The following PCGF6 variants were observed in gnomAD, a reference collection of about 807,000 sequenced individuals.
PCGF6 encodes the protein polycomb group RING finger protein 6.
Under a neutral mutation model 45.5 loss-of-function variants are expected in PCGF6, and 24 were observed. That is an observed-to-expected ratio of 0.53 (90% CI 0.38 to 0.74). The LOEUF (loss-of-function observed/expected upper bound fraction) is 0.74. Among genes scored for constraint, PCGF6 ranks in the 30% least tolerant of loss-of-function variants. The pLI is 0.00. For synonymous variants in PCGF6, 152 were observed against 162.1 expected, an observed-to-expected ratio of 0.94 and a Z score of 0.47; for missense variants, 356 against 443.2, an observed-to-expected ratio of 0.80 and a Z score of 1.77.
At chr10:103,344,197 CA>C (rs1343253142) in intron 6 of PCGF6, among the ~76,000 whole-genome samples, 4 of 150,150 alleles carry the variant, frequency 2.7e-5, no homozygotes, top group African/African-American at 9.8e-5. Context: ...TTGGCAAAAA[CA>C]ATGCTACATA....
intron 9 of PCGF6, among the ~76,000 whole-genome samples, chr10:103,313,617 G>GAA (rs59567810): frequency 2.0e-5 from 3 of 148,004 alleles, no homozygotes; most frequent in African/African-American, 7.4e-5. Context: ...GTAGCTGATA[G>GAA]AAAAAAAAAA....
At chr10:103,315,971 T>G (rs1463517439) in intron 8 of PCGF6, among the ~76,000 whole-genome samples, 1 of 58,920 alleles carries the variant, frequency 1.7e-5, no homozygotes, top group Non-Finnish European at 3.6e-5. Flanking sequence ...AGCTTATATG[T>G]GTGTGTGTGT....
intron 8 of PCGF6, among the ~76,000 whole-genome samples, chr10:103,324,770 A>C (rs1021656794): frequency 1.1e-4 from 16 of 146,810 alleles, no homozygotes; most frequent in Non-Finnish European, 2.2e-4. Context: ...AAAAAAAAAA[A>C]AAACCAAAAA....
At chr10:103,328,215 T>A (rs558449053) in intron 7 of PCGF6, among the ~76,000 whole-genome samples, 2 of 152,152 alleles carry the variant, frequency 1.3e-5, no homozygotes, top group Non-Finnish European at 2.9e-5. Context: ...AAAGTGTTTT[T>A]TTAGGACTTA....
intron 7 of PCGF6, among the ~76,000 whole-genome samples, chr10:103,327,440 A>G (rs899045931): frequency 6.6e-6 from 1 of 152,174 alleles, no homozygotes; most frequent in Admixed American, 6.6e-5. Flanking sequence ...TGATTGAAAA[A>G]CTATCAACAA....
At chr10:103,342,468 G>A (rs758931946) in intron 6 of PCGF6, among the ~76,000 whole-genome samples, 29 of 151,450 alleles carry the variant, frequency 1.9e-4, no homozygotes, top group Non-Finnish European at 3.4e-4. Context: ...TCCTGACCTC[G>A]GGTAATCTGC....
intron 3 of PCGF6, 47 bp downstream of exon 3, chr10:103,348,669 G>A: frequency 1.5e-6 from 2 of 1,351,920 alleles, no homozygotes; most frequent in Non-Finnish European, 2.0e-6. Context: ...CAAGCTTTCA[G>A]AAAAAGTATA....
chr10:103,309,139 TG>T, intron 9 of PCGF6, among the ~76,000 whole-genome samples: 1 of 149,816 alleles, frequency 6.7e-6, no homozygotes, highest in Non-Finnish European at 1.5e-5. Context: ...GTTAAGACTT[TG>T]GGGGACTATT....
intron 8 of PCGF6, among the ~76,000 whole-genome samples, chr10:103,319,543 C>T (rs2093188983): frequency 6.6e-6 from 1 of 152,052 alleles, no homozygotes; most frequent in Admixed American, 6.6e-5. Flanking sequence ...AAATCATTCA[C>T]TTTTGTGTTA....
chr10:103,328,217 T>C (rs2093226524), intron 7 of PCGF6, among the ~76,000 whole-genome samples: 1 of 152,172 alleles, frequency 6.6e-6, no homozygotes, highest in East Asian at 1.9e-4. Context: ...AGTGTTTTTT[T>C]AGGACTTACA....
At chr10:103,339,807 AAAAACACACAC>A (rs1374275734) in intron 6 of PCGF6, among the ~76,000 whole-genome samples, 993 of 45,162 alleles carry the variant, frequency 0.022, 39 homozygotes, top group African/African-American at 0.047. Flanking sequence ...GTCTCAAAAA[AAAAACACACAC>A]ACACACACAC....
At chr10:103,338,222 C>G (rs2093265145) in intron 6 of PCGF6, among the ~76,000 whole-genome samples, 1 of 151,186 alleles carries the variant, frequency 6.6e-6, no homozygotes, top group Admixed American at 6.6e-5. Context: ...GCCTTGACAA[C>G]AAGAGAAAAC....
intron 9 of PCGF6, among the ~76,000 whole-genome samples, chr10:103,304,333 T>C (rs974029105): frequency 1.3e-5 from 2 of 152,090 alleles, no homozygotes; most frequent in Non-Finnish European, 2.9e-5. Flanking sequence ...TATGCATGTA[T>C]GTATGTATAC....
At chr10:103,323,719 A>C (rs1401956415) in intron 8 of PCGF6, among the ~76,000 whole-genome samples, 2 of 150,846 alleles carry the variant, frequency 1.3e-5, no homozygotes, top group African/African-American at 2.4e-5. Flanking sequence ...CAGCCTCCTG[A>C]GTAGCCAGGA....
chr10:103,316,958 T>G (rs1342874688), intron 8 of PCGF6, among the ~76,000 whole-genome samples: 1 of 152,168 alleles, frequency 6.6e-6, no homozygotes, highest in Non-Finnish European at 1.5e-5. Flanking sequence ...CACAGAGAAC[T>G]TAGATCCATA....
intron 8 of PCGF6, among the ~76,000 whole-genome samples, chr10:103,325,706 T>C (rs2093215594): frequency 6.6e-6 from 1 of 152,120 alleles, no homozygotes; most frequent in South Asian, 2.1e-4. Context: ...CACTAATAGA[T>C]TGCCATCAGT....
intron 6 of PCGF6, among the ~76,000 whole-genome samples, chr10:103,340,871 A>G (rs1449782353): frequency 6.6e-6 from 1 of 152,154 alleles, no homozygotes; most frequent in African/African-American, 2.4e-5. Flanking sequence ...CCAAAGTGCT[A>G]GGATTACAGG....
At chr10:103,313,838 C>A (rs1035641181) in intron 9 of PCGF6, among the ~76,000 whole-genome samples, 2 of 152,106 alleles carry the variant, frequency 1.3e-5, no homozygotes, top group Non-Finnish European at 2.9e-5. Flanking sequence ...CGGAAAAAAA[C>A]AAGGCTTTTA....
At chr10:103,332,494 T>C (rs1205904768) in intron 7 of PCGF6, among the ~76,000 whole-genome samples, 1 of 152,236 alleles carries the variant, frequency 6.6e-6, no homozygotes, top group East Asian at 1.9e-4. Context: ...CAGACTGGTC[T>C]TGAACTCCTG....
Sources: allele counts gnomAD v4.1 joint callset (sites outside exome capture counted in the v4.1 genomes callset), GRCh38; gene constraint gnomAD v4.1.1; transcripts MANE v1.5; gene names NCBI Gene and HGNC (gene_info 2026-07-23, HGNC 2026-07-21).